The following TTYH1 variants were observed in gnomAD, a reference collection of about 807,000 sequenced individuals.
TTYH1 encodes the protein protein tweety homolog 1.
A neutral mutation model predicts 61.2 loss-of-function variants in TTYH1; 33 were observed. The ratio of observed to expected loss-of-function variants is 0.54; its 90% CI spans 0.41 to 0.72. The LOEUF is 0.72. TTYH1 is among the 30% of genes least tolerant of loss of function. The pLI is 0.00. For synonymous variants in TTYH1, 308 were observed against 266.4 expected, an observed-to-expected ratio of 1.16 and a Z score of -1.52; for missense variants, 538 against 575.8, an observed-to-expected ratio of 0.93 and a Z score of 0.67.
Position 54,435,630 on chromosome 19 carries a change from C to G in TTYH1, c.1214C>G (p.Ala405Gly). ...LLLFSLLSAG[A>G]LATALCSLPR... is the part of the protein sequence containing the mutation. ...CTCTTCTCCCTGCTGTCTGCAGGAGCGCTGGCCACTGCCCTCTGCAGCCTG... is the reference window on the plus strand; with the variant it reads ...CTCTTCTCCCTGCTGTCTGCAGGAGGGCTGGCCACTGCCCTCTGCAGCCTG... The change falls in exon 11 of 14, where the codon GCG (alanine) becomes GGG (glycine). Residue 405 changes from alanine (A) to glycine (G), a missense_variant. This residue lies in a region of TTYH1 where 378 missense variants were observed against 401.2 expected (regional missense o/e 0.94). Transcript: ENST00000376530. 1 of 1,612,066 alleles carries G rather than the reference C, an allele frequency of 6.2e-7. No homozygotes were observed. The highest frequency in any genetic ancestry group is 8.5e-7 in the Non-Finnish European group (1 of 1,179,578).
chr19:54,435,459 G>A, intron 10 of TTYH1, 83 bp from the exon 11 acceptor site: 2 of 1,489,678 alleles, frequency 1.3e-6, no homozygotes, highest in Middle Eastern at 2.5e-4. Context: ...CCACAGCCGG[G>A]AGGACGGTCA....
Position 54,430,907 on chromosome 19 carries a change from T to C in TTYH1, c.1032+2T>C, listed in dbSNP as rs2083426136. On this transcript the variant is annotated splice_donor_variant, in intron 9 of 13. Coordinates refer to ENST00000376530, the MANE Select transcript of TTYH1 (RefSeq NM_020659.4). LOFTEE classifies it high-confidence loss of function. ...GTGCCTCAGTTCCCTTCAGCGCAGGTCGGTGGGTGGGCGCTCCCCAGACAC... is the reference window on the plus strand; with the variant it reads ...GTGCCTCAGTTCCCTTCAGCGCAGGCCGGTGGGTGGGCGCTCCCCAGACAC... The C allele has an allele frequency of 6.2e-7, 1 of 1,611,768 alleles. No homozygotes were observed. Among genetic ancestry groups the C allele is most frequent in the Admixed American group, 1.7e-5 (1 of 59,934 alleles).
chr19:54,430,630 G>T (rs966369558), intron 8 of TTYH1, 25 bp downstream of exon 8: 2 of 1,612,708 alleles, frequency 1.2e-6, no homozygotes, highest in Admixed American at 3.3e-5. Context: ...CAGGGGAAAC[G>T]GGTGTTGAGG....
At position 54,415,519 on chromosome 19, in the gene TTYH1, G is replaced by T; in HGVS notation, c.-34G>T. 2 of 1,297,100 alleles carry T rather than the reference G, an allele frequency of 1.5e-6. No individual in the cohort carries two copies. Among genetic ancestry groups the T allele is most frequent in the Non-Finnish European group, 2.0e-6 (2 of 1,018,490 alleles). The allele number at this position is 1,297,100 out of a possible 1,614,324, so 80.3% of individuals were successfully genotyped here. On this transcript the variant is annotated 5_prime_UTR_variant, in exon 1 of 14. Coordinates refer to ENST00000376530, the MANE Select transcript of TTYH1 (RefSeq NM_020659.4). The surrounding 1 kb of genome is among the most constrained non-coding windows in gnomAD (Gnocchi z 5.2). ...CGACTCCGGAGGCTCCCGCAGCCCC[G>T]GCGTCCGCCCCGCTGCCCCCTCCCC...
At position 54,436,220 on chromosome 19, in the gene TTYH1, C is replaced by T. The variant is rs570978495; in HGVS notation, c.*42+49C>T. The T allele has an allele frequency of 3.1e-6, 5 of 1,606,832 alleles. No homozygotes were observed. Among genetic ancestry groups the T allele is most frequent in the African/African-American group, 2.7e-5 (2 of 74,826 alleles). ...GCTCCTGCAGCCGGGCCTCTGCCCC[C>T]CTCCCGCCCTCCGAGCTGCTCCAGG... On this transcript the variant is annotated intron_variant, in intron 13 of 13. Transcript: ENST00000376530. This position sits in a 1 kb window ranked among gnomAD's most constrained non-coding sequence, Gnocchi z 4.3.
rs147148062 is a variant in TTYH1 at position 54,422,442 on chromosome 19, G to A, written c.638+32G>A. 2,266 of 1,480,202 alleles carry A rather than the reference G, an allele frequency of 1.5e-3. 4 individuals carry two copies. The highest frequency in any genetic ancestry group is 2.5e-3 in the Admixed American group (107 of 43,262). 91.7% of individuals were successfully genotyped at this position (1,480,202 alleles called of 1,614,324 possible). A position where few individuals can be genotyped will look rare whatever the true frequency, so the allele number is the denominator to read the frequency against. On this transcript the variant is annotated intron_variant, in intron 4 of 13. Coordinates refer to ENST00000376530, the MANE Select transcript of TTYH1 (RefSeq NM_020659.4). ...CGCTGCTCTTCTTGCTCTCTGTGCC[G>A]GCAGCTCTCAGGCGGAGTCCCCGGG...
Position 54,431,112 on chromosome 19 carries a change from C to T in TTYH1, c.1046C>T (p.Ser349Phe). The T allele has an allele frequency of 6.2e-7, 1 of 1,613,344 alleles. No individual in the cohort carries two copies. Among genetic ancestry groups the T allele is most frequent in the African/African-American group, 1.3e-5 (1 of 75,012 alleles). Residue 349 changes from serine (S) to phenylalanine (F), a missense_variant, in exon 10 of 14, where the codon TCC becomes TTC. Ser to Phe is a radical substitution (Grantham distance 155). Transcript: ENST00000376530. ...CTCGCCCCGCAGAAGCCTCTGCTGT[C>T]CTTGGAGGAGACTCTGAATGTGACA... Reference protein sequence around the residue: ...QFPSAQKPLLSLEETLNVTEG... With the variant: ...QFPSAQKPLLFLEETLNVTEG...
chr19:54,436,553 C>T lies in TTYH1; in HGVS notation c.*263C>T. On this transcript the variant is annotated 3_prime_UTR_variant, in exon 14 of 14. Coordinates refer to ENST00000376530, the MANE Select transcript of TTYH1 (RefSeq NM_020659.4). This position sits in a 1 kb window ranked among gnomAD's most constrained non-coding sequence, Gnocchi z 4.3. ...CAGCCTCGCCTCGCACCCTTCATCC[C>T]TGGCTGCCGGTCCCATCCTTGGAGG... The T allele has an allele frequency of 1.5e-6, 1 of 664,084 alleles. No individual in the cohort carries two copies. Among genetic ancestry groups the T allele is most frequent in the East Asian group, 2.7e-5 (1 of 36,530 alleles). The allele number at this position is 664,084 out of a possible 1,614,324, so 41.1% of individuals were successfully genotyped here.
At chr19:54,422,744 C>A (rs911780887) in intron 4 of TTYH1, among the ~76,000 whole-genome samples, 2 of 151,792 alleles carry the variant, frequency 1.3e-5, no homozygotes, top group Non-Finnish European at 2.9e-5. Flanking sequence ...GCCTGGCCAA[C>A]GTGGAGAAAC....
chr19:54,422,677 C>T (rs979498299), intron 4 of TTYH1, among the ~76,000 whole-genome samples: 1 of 152,066 alleles, frequency 6.6e-6, no homozygotes, highest in African/African-American at 2.4e-5. Flanking sequence ...CCTGTAATCC[C>T]AGCACTTTTA....
In TTYH1 at chr19:54,419,247, C is replaced by G; in HGVS notation, c.246C>G (p.Ile82Met). ...CCCCCGAGCCCCCCGGGTCCAAGAT[C>G]CCCTCGCCCGGGGGAGGCTGCGTCA... ...CRPPEPPGSK[I>M]PSPGGGCVTW... The change falls in exon 2 of 14, where the codon ATC (isoleucine) becomes ATG (methionine). Residue 82 changes from isoleucine to methionine, a missense_variant. Transcript: ENST00000376530. This position sits in a 1 kb window ranked among gnomAD's most constrained non-coding sequence, Gnocchi z 6.1. 1.2e-6 allele frequency: 2 copies of G among 1,608,322 alleles called. No homozygotes were observed. The highest frequency in any genetic ancestry group is 1.7e-6 in the Non-Finnish European group (2 of 1,179,890).
At chr19:54,435,493 G>C (rs751567218) in intron 10 of TTYH1, 49 bp from the exon 11 acceptor site, 7 of 1,548,920 alleles carry the variant, frequency 4.5e-6, no homozygotes, top group Admixed American at 1.8e-5. Context: ...AGTGTGTGCC[G>C]ATGGGGGAGG....
rs561854419 is a variant in TTYH1, at chr19:54,415,510, C to T, written c.-43C>T. 9.5e-6 allele frequency: 13 copies of T among 1,368,244 alleles called. No homozygotes were observed. The South Asian group carries it at 1.7e-4, about 18-fold the overall frequency. 84.8% of individuals were successfully genotyped at this position (1,368,244 alleles called of 1,614,324 possible). On this transcript the variant is annotated 5_prime_UTR_variant, in exon 1 of 14. Transcript: ENST00000376530. The surrounding 1 kb of genome is among the most constrained non-coding windows in gnomAD (Gnocchi z 5.2). ...CGCCCCGCTCGACTCCGGAGGCTCC[C>T]GCAGCCCCGGCGTCCGCCCCGCTGC...
At chr19:54,425,478 T>C (rs113191217) in intron 4 of TTYH1, among the ~76,000 whole-genome samples, 3,875 of 152,282 alleles carry the variant, frequency 0.025, 167 homozygotes, top group African/African-American at 0.08. Context: ...ATTTCTTTAC[T>C]TCCTATTTTT....
intron 4 of TTYH1, among the ~76,000 whole-genome samples, chr19:54,423,113 T>C (rs2122885665): frequency 6.6e-6 from 1 of 151,884 alleles, no homozygotes; most frequent in Admixed American, 6.6e-5. Flanking sequence ...AGCAAGTCAC[T>C]CTTGGACTCA....
rs369619668 is a variant in TTYH1 at position 54,431,783 on chromosome 19, C to A, written c.1125+592C>A. On this transcript the variant is annotated intron_variant, in intron 10 of 13. Coordinates refer to ENST00000376530, the MANE Select transcript of TTYH1 (RefSeq NM_020659.4). ...TGTCCTGCAGGCTCCAGTTTGGGCTCTGCCGCAGGCTGCACGGCCATAGGC... is the reference window on the plus strand; with the variant it reads ...TGTCCTGCAGGCTCCAGTTTGGGCTATGCCGCAGGCTGCACGGCCATAGGC... 1.5e-3 allele frequency: 235 copies of A among 154,636 alleles called. 9 individuals carry two copies. The South Asian group carries it at 0.045, about 30-fold the overall frequency. 9.6% of individuals were successfully genotyped at this position (154,636 alleles called of 1,614,324 possible). A position where few individuals can be genotyped will look rare whatever the true frequency, so the allele number is the denominator to read the frequency against.
intron 5 of TTYH1, among the ~76,000 whole-genome samples, chr19:54,428,682 G>A (rs2083376980): frequency 6.6e-6 from 1 of 152,140 alleles, no homozygotes; most frequent in South Asian, 2.1e-4. Flanking sequence ...GGTGGGGTGA[G>A]GCAGAGTTGA....
At chr19:54,427,903 CCTGTTTTTTATTT>C (rs1350818698) in intron 5 of TTYH1, among the ~76,000 whole-genome samples, 3 of 151,960 alleles carry the variant, frequency 2.0e-5, no homozygotes. Flanking sequence ...CTTCCTTCTG[CCTGTTTTTTATTT>C]CTGTTTTTTA....
Position 54,422,196 on chromosome 19 carries a change from G to A in TTYH1, c.424G>A (p.Glu142Lys), listed in dbSNP as rs1244397193. ...GCCCCTGTCCTATCCCCAGGTGTTG[G>A]AGACGGTGGAGAGGCTGGGCGAGGC... ...TLSTIDHLVL[E>K]TVERLGEAVR... is the part of the protein sequence containing the mutation. Residue 142 changes from glutamate to lysine, a missense_variant, in exon 4 of 14, where the codon GAG (glutamate) becomes AAG (lysine). Glu to Lys is a moderately conservative substitution (Grantham distance 56, BLOSUM62 1). Transcript: ENST00000376530. 6.4e-7 allele frequency: 1 copy of A among 1,560,660 alleles called. No individual in the cohort carries two copies. Among genetic ancestry groups the A allele is most frequent in the Non-Finnish European group, 8.7e-7 (1 of 1,152,730 alleles).
Sources: gnomAD v4.1 joint callset for allele counts (sites outside exome capture counted in the v4.1 genomes callset) on GRCh38, gnomAD v4.1.1 for gene constraint, gnomAD v4.1.1 regional missense constraint, Gnocchi (gnomAD v3.1) non-coding constraint, MANE v1.5 for transcripts, NCBI Gene and HGNC (gene_info 2026-07-23, HGNC 2026-07-21) for gene names.